The following SORCS3 variants were observed in gnomAD, a reference collection of about 807,000 sequenced individuals.
SORCS3 encodes the protein VPS10 domain-containing receptor SorCS3.
A neutral mutation model predicts 146.3 loss-of-function variants in SORCS3; 57 were observed. The observed-to-expected ratio is 0.39, with a 90% CI of 0.31 to 0.49. The LOEUF (loss-of-function observed/expected upper bound fraction) is 0.49, where lower values mean the gene tolerates loss of function less well. Ranked by LOEUF, SORCS3 falls within the 20% of genes least tolerant of loss-of-function variation. The probability of loss-of-function intolerance (pLI) is 0.92; values close to 1 mark genes in which losing one functional copy is unlikely to be tolerated. For synonymous variants in SORCS3, 653 were observed against 618.5 expected (o/e 1.06, Z -0.83); for missense variants, 1,341 against 1,575.5 (o/e 0.85, Z 2.52).
intron 4 of SORCS3, among the ~76,000 whole-genome samples, chr10:105,032,484 G>C (rs2055275837): frequency 6.6e-6 from 1 of 152,000 alleles, no homozygotes; most frequent in East Asian, 1.9e-4. Context: ...TGAAGTACAA[G>C]TTTTCTTCCT....
chr10:104,810,017 G>C (rs1053850049), intron 1 of SORCS3, among the ~76,000 whole-genome samples: 3 of 152,198 alleles, frequency 2.0e-5, no homozygotes, highest in Admixed American at 6.5e-5. Context: ...CCACCAGTGG[G>C]TTGGACTATT....
At chr10:105,049,643 A>C (rs940241448) in intron 5 of SORCS3, among the ~76,000 whole-genome samples, 7 of 152,154 alleles carry the variant, frequency 4.6e-5, no homozygotes, top group African/African-American at 1.7e-4. Flanking sequence ...CACATTTTGA[A>C]GAATAAAATC....
At chr10:104,869,546 G>A (rs2018494737) in intron 2 of SORCS3, among the ~76,000 whole-genome samples, 1 of 152,192 alleles carries the variant, frequency 6.6e-6, no homozygotes. Flanking sequence ...AGATATCTGA[G>A]CATCATGTGG....
chr10:104,841,308 A>C (rs1422804855), intron 1 of SORCS3, among the ~76,000 whole-genome samples: 1 of 152,080 alleles, frequency 6.6e-6, no homozygotes, highest in African/African-American at 2.4e-5. Flanking sequence ...GGTAGAGTCT[A>C]CTGTTCTACA....
At chr10:104,719,562 A>G (rs1002506758) in intron 1 of SORCS3, among the ~76,000 whole-genome samples, 36 of 152,168 alleles carry the variant, frequency 2.4e-4, no homozygotes, top group African/African-American at 8.4e-4. Context: ...ATCTTAGACT[A>G]AATTGCTTCG....
chr10:104,850,218 A>G (rs1389797409), intron 2 of SORCS3, among the ~76,000 whole-genome samples: 1 of 152,248 alleles, frequency 6.6e-6, no homozygotes, highest in Non-Finnish European at 1.5e-5. Context: ...TGTGTTAAAC[A>G]TCTAAATTTA....
At chr10:105,021,668 G>T (rs7082671) in intron 4 of SORCS3, among the ~76,000 whole-genome samples, 1 of 152,012 alleles carries the variant, frequency 6.6e-6, no homozygotes, top group African/African-American at 2.4e-5. Flanking sequence ...AATACATACC[G>T]CATAATATAA....
At chr10:104,643,569 G>A (rs1388151079) in intron 1 of SORCS3, among the ~76,000 whole-genome samples, 15 of 152,188 alleles carry the variant, frequency 9.9e-5, no homozygotes, top group Non-Finnish European at 1.6e-4. Flanking sequence ...GCCTTTGCAG[G>A]GCTGGGTGAT....
intron 4 of SORCS3, among the ~76,000 whole-genome samples, chr10:104,987,864 A>T (rs565942041): frequency 2.4e-4 from 37 of 152,328 alleles, no homozygotes; most frequent in African/African-American, 8.7e-4. Flanking sequence ...ATGGAAATAA[A>T]TGATTCTGGA....
chr10:105,069,136 A>G (rs1412570092), intron 5 of SORCS3, among the ~76,000 whole-genome samples: 2 of 152,198 alleles, frequency 1.3e-5, no homozygotes, highest in African/African-American at 4.8e-5. Flanking sequence ...ACTCATAGTC[A>G]TGTACTATCC....
chr10:104,731,521 C>T (rs1021016059), intron 1 of SORCS3, among the ~76,000 whole-genome samples: 5 of 152,170 alleles, frequency 3.3e-5, no homozygotes, highest in Non-Finnish European at 5.9e-5. Context: ...CTCTGACATT[C>T]CCCTTCAACT....
intron 7 of SORCS3, among the ~76,000 whole-genome samples, chr10:105,111,630 G>A (rs947465244): frequency 6.6e-6 from 1 of 152,140 alleles, no homozygotes; most frequent in Non-Finnish European, 1.5e-5. Flanking sequence ...TCCAGGAATT[G>A]CCCAATATAT....
intron 6 of SORCS3, among the ~76,000 whole-genome samples, chr10:105,100,422 G>A (rs1310636486): frequency 6.6e-6 from 1 of 152,168 alleles, no homozygotes; most frequent in Non-Finnish European, 1.5e-5. Context: ...AGAAGTTCAA[G>A]AATAAGAATT....
chr10:104,997,699 C>A (rs1194208726), intron 4 of SORCS3, among the ~76,000 whole-genome samples: 1 of 152,176 alleles, frequency 6.6e-6, no homozygotes, highest in Admixed American at 6.6e-5. Flanking sequence ...CAGATCTCCT[C>A]TTCTTCAATG....
At chr10:105,119,960 G>C (rs955652681) in intron 7 of SORCS3, among the ~76,000 whole-genome samples, 1 of 152,152 alleles carries the variant, frequency 6.6e-6, no homozygotes, top group Non-Finnish European at 1.5e-5. Flanking sequence ...ATTGTGTTTT[G>C]AAATGTGAGG....
intron 11 of SORCS3, among the ~76,000 whole-genome samples, chr10:105,162,662 G>A (rs1228823282): frequency 6.6e-6 from 1 of 152,130 alleles, no homozygotes; most frequent in Non-Finnish European, 1.5e-5. Flanking sequence ...AGTTCACTGT[G>A]AGCCTTGGGT....
chr10:104,823,431 T>C (rs542680956), intron 1 of SORCS3, among the ~76,000 whole-genome samples: 209 of 152,276 alleles, frequency 1.4e-3, no homozygotes, highest in Non-Finnish European at 2.6e-3. Flanking sequence ...TTGCAGTTTT[T>C]AGCGACAACT....
intron 16 of SORCS3, among the ~76,000 whole-genome samples, chr10:105,209,143 A>AT (rs369058193): frequency 2.7e-4 from 41 of 150,340 alleles, no homozygotes; most frequent in African/African-American, 6.6e-4. Context: ...CAATGGGATA[A>AT]TTTTTTTTTT....
intron 5 of SORCS3, among the ~76,000 whole-genome samples, chr10:105,054,639 A>G (rs1393023609): frequency 1.3e-5 from 2 of 151,394 alleles, no homozygotes; most frequent in Non-Finnish European, 2.9e-5. Flanking sequence ...CATATTTTGG[A>G]CTGGTTTCCT....
Sources: gnomAD v4.1 joint callset for allele counts (sites outside exome capture counted in the v4.1 genomes callset) on GRCh38, gnomAD v4.1.1 for gene constraint, MANE v1.5 for transcripts, NCBI Gene and HGNC (gene_info 2026-07-23, HGNC 2026-07-21) for gene names.